The following GPC5 variants were observed in gnomAD, a reference collection of about 807,000 sequenced individuals.
GPC5 encodes the protein glypican 5.
In GPC5, 47 loss-of-function variants were observed where a neutral mutation model predicts 53.9. That is an observed-to-expected ratio of 0.87 (90% confidence interval 0.69 to 1.11). The LOEUF is 1.11. Among genes scored for constraint, GPC5 ranks in the 50% most tolerant of loss-of-function variants. The probability of loss-of-function intolerance (pLI) is 0.00; values close to 1 mark genes in which losing one functional copy is unlikely to be tolerated. For missense variants in GPC5, 748 were observed against 713.1 expected (o/e 1.05, Z -0.56); for synonymous variants, 286 against 263.3 (o/e 1.09, Z -0.84).
intron 7 of GPC5, among the ~76,000 whole-genome samples, chr13:92,152,506 T>C (rs2138994397): frequency 6.6e-6 from 1 of 152,276 alleles, no homozygotes; most frequent in South Asian, 2.1e-4. Context: ...TTAAAAATGC[T>C]TCTATAAATT....
At chr13:92,615,298 A>G (rs2139105009) in intron 7 of GPC5, among the ~76,000 whole-genome samples, 1 of 152,356 alleles carries the variant, frequency 6.6e-6, no homozygotes, top group South Asian at 2.1e-4. Context: ...TTTATTTCAA[A>G]TAGTGCTAGA....
chr13:92,756,483 C>G (rs973468700), intron 7 of GPC5, among the ~76,000 whole-genome samples: 1 of 152,034 alleles, frequency 6.6e-6, no homozygotes, highest in East Asian at 1.9e-4. Context: ...CTGGCCAGGG[C>G]AATCAGGCAG....
At chr13:91,465,083 C>T (rs143715387) in intron 2 of GPC5, among the ~76,000 whole-genome samples, 72 of 152,104 alleles carry the variant, frequency 4.7e-4, no homozygotes, top group African/African-American at 1.5e-3. Context: ...TTAAACTAGA[C>T]CTGTCTCAGC....
At chr13:92,658,518 A>C (rs1024835405) in intron 7 of GPC5, among the ~76,000 whole-genome samples, 1 of 152,188 alleles carries the variant, frequency 6.6e-6, no homozygotes, top group Non-Finnish European at 1.5e-5. Context: ...AGATTTTGCC[A>C]CCGAATGAGT....
chr13:92,150,946 G>C (rs540889579), intron 7 of GPC5, among the ~76,000 whole-genome samples: 1 of 150,924 alleles, frequency 6.6e-6, no homozygotes, highest in African/African-American at 2.4e-5. Context: ...TCATGACTTA[G>C]CCAAAGTCAT....
Position 91,712,817 on chromosome 13 carries a change from G to A in GPC5, c.1021-15715G>A, listed in dbSNP as rs145801234. 2.9e-3 allele frequency among the ~76,000 whole-genome samples: 437 copies of A among 151,846 alleles called. 1 individual carries two copies. Among genetic ancestry groups the A allele is most frequent in the Non-Finnish European group, 4.8e-3 (329 of 67,978 alleles). ...ACTCCTGGCCATAGTTTACTAATCCGCCATCTTAGAATTATTAAGCCTGTT... is the reference window on the plus strand; with the variant it reads ...ACTCCTGGCCATAGTTTACTAATCCACCATCTTAGAATTATTAAGCCTGTT... On this transcript the variant is annotated intron_variant, in intron 3 of 7. Transcript: ENST00000377067.
chr13:91,900,044 T>G (rs1024185987), intron 5 of GPC5, among the ~76,000 whole-genome samples: 1 of 152,182 alleles, frequency 6.6e-6, no homozygotes, highest in African/African-American at 2.4e-5. Flanking sequence ...CATGATATGT[T>G]GGTAATCTTA....
intron 6 of GPC5, among the ~76,000 whole-genome samples, chr13:91,922,814 C>A (rs1178625454): frequency 1.3e-5 from 2 of 152,140 alleles, no homozygotes; most frequent in Non-Finnish European, 2.9e-5. Flanking sequence ...CCTAAACTGT[C>A]TTTTCTATCT....
intron 1 of GPC5, among the ~76,000 whole-genome samples, chr13:91,411,073 C>A (rs768175716): frequency 6.6e-6 from 1 of 152,204 alleles, no homozygotes; most frequent in Non-Finnish European, 1.5e-5. Flanking sequence ...TGTGCCACTG[C>A]ACTCCAGCCT....
At chr13:92,777,359 G>C (rs1875851991) in intron 7 of GPC5, among the ~76,000 whole-genome samples, 1 of 141,944 alleles carries the variant, frequency 7.0e-6, no homozygotes, top group Non-Finnish European at 1.5e-5. Flanking sequence ...AAAAAGCCAG[G>C]CTCAGTGGCT....
intron 6 of GPC5, among the ~76,000 whole-genome samples, chr13:91,973,636 T>C (rs1158275030): frequency 6.6e-6 from 1 of 152,210 alleles, no homozygotes; most frequent in Admixed American, 6.5e-5. Flanking sequence ...GATGTACAGA[T>C]GGGTTTTTGG....
chr13:92,052,407 CAA>C (rs1357074054), intron 6 of GPC5, among the ~76,000 whole-genome samples: 2 of 152,108 alleles, frequency 1.3e-5, no homozygotes, highest in Non-Finnish European at 2.9e-5. Flanking sequence ...AGCGAAAGAA[CAA>C]AGTGTCCACA....
chr13:92,500,582 T>C (rs1283368271), intron 7 of GPC5, among the ~76,000 whole-genome samples: 1 of 152,148 alleles, frequency 6.6e-6, no homozygotes, highest in Non-Finnish European at 1.5e-5. Flanking sequence ...CCTGAGGCTT[T>C]TGCAAAAACC....
chr13:91,765,264 C>T lies in GPC5; in HGVS notation c.1280+8844C>T, dbSNP rs545948262. ...CTAGGACCAATGAATGAGGGAATGC[C>T]GTAGCAGTTCAATCAGCTTTCTTCA... On this transcript the variant is annotated intron_variant, in intron 5 of 7. Coordinates refer to ENST00000377067, the MANE Select transcript of GPC5 (RefSeq NM_004466.6). Among the ~76,000 whole-genome samples the T allele has an allele frequency of 8.5e-5, 13 of 152,340 alleles. No individual in the cohort carries two copies. The South Asian group carries it at 1.9e-3, about 22-fold the overall frequency.
chr13:92,731,694 G>A (rs1380378208), intron 7 of GPC5, among the ~76,000 whole-genome samples: 1 of 151,344 alleles, frequency 6.6e-6, no homozygotes, highest in Non-Finnish European at 1.5e-5. Context: ...CTAAAGGAAA[G>A]AGAATAGACT....
At chr13:91,478,902 T>TATATATATATATATACAC (rs201918417) in intron 2 of GPC5, among the ~76,000 whole-genome samples, 12 of 90,314 alleles carry the variant, frequency 1.3e-4, no homozygotes, top group African/African-American at 6.6e-4. Flanking sequence ...TATATATATA[T>TATATATATATATATACAC]GCACATATAT....
intron 7 of GPC5, among the ~76,000 whole-genome samples, chr13:92,443,421 G>C (rs1163230750): frequency 6.6e-6 from 1 of 152,102 alleles, no homozygotes; most frequent in Non-Finnish European, 1.5e-5. Context: ...TGGTGGTTTA[G>C]GATAAAATGG....
chr13:92,249,455 T>C (rs1384011865), intron 7 of GPC5, among the ~76,000 whole-genome samples: 2 of 152,108 alleles, frequency 1.3e-5, no homozygotes, highest in Admixed American at 1.3e-4. Flanking sequence ...CCCTTACATT[T>C]CTTCTGTGTG....
At chr13:92,442,668 T>C (rs1416133926) in intron 7 of GPC5, among the ~76,000 whole-genome samples, 2 of 152,176 alleles carry the variant, frequency 1.3e-5, no homozygotes, top group African/African-American at 4.8e-5. Flanking sequence ...TATTGTCTCC[T>C]GGTTCAATTG....
Sources: allele counts gnomAD v4.1 joint callset (sites outside exome capture counted in the v4.1 genomes callset), GRCh38; gene constraint gnomAD v4.1.1; transcripts MANE v1.5; gene names NCBI Gene and HGNC (gene_info 2026-07-23, HGNC 2026-07-21).